The following CASTOR2 variants were observed in gnomAD, a reference collection of about 807,000 sequenced individuals.
CASTOR2 encodes cytosolic arginine sensor for mTORC1 subunit 2.
Under a neutral mutation model 31.2 loss-of-function variants are expected in CASTOR2, and 8 were observed. The observed-to-expected ratio is 0.26, with a 90% CI of 0.15 to 0.46. The LOEUF (loss-of-function observed/expected upper bound fraction) is 0.46. Ranked by LOEUF, CASTOR2 falls within the 20% of genes least tolerant of loss-of-function variation. CASTOR2 has a pLI of 0.99. For synonymous variants in CASTOR2, 162 were observed against 158.7 expected, an observed-to-expected ratio of 1.02 and a Z score of -0.16; for missense variants, 216 against 382.1, an observed-to-expected ratio of 0.57 and a Z score of 3.62.
intron 1 of CASTOR2, among the ~76,000 whole-genome samples, chr7:74,977,319 A>T (rs1803838886): frequency 6.6e-6 from 1 of 151,580 alleles, no homozygotes; most frequent in Non-Finnish European, 1.5e-5. Flanking sequence ...GTTCTGGGCC[A>T]GTGGGATTCT....
At chr7:75,021,753 T>G (rs1481310985) in intron 6 of CASTOR2, 121 bp from the exon 7 acceptor site, 1 of 1,234,604 alleles carries the variant, frequency 8.1e-7, no homozygotes, top group Non-Finnish European at 1.2e-6. Context: ...TGGGGGGCCC[T>G]GAGGTCTGCC....
chr7:75,008,861 G>A (rs1363349983), intron 2 of CASTOR2, among the ~76,000 whole-genome samples: 2 of 152,102 alleles, frequency 1.3e-5, no homozygotes, highest in Non-Finnish European at 2.9e-5. Context: ...GAGGTGGGAG[G>A]ATTGCTTAAA....
chr7:75,019,809 G>A (rs1283717520), intron 5 of CASTOR2, among the ~76,000 whole-genome samples: 4 of 152,262 alleles, frequency 2.6e-5, no homozygotes, highest in African/African-American at 9.6e-5. Context: ...AGGGGCCGGT[G>A]TAACCTGCGT....
intron 1 of CASTOR2, among the ~76,000 whole-genome samples, chr7:74,998,576 C>G (rs1275556915): frequency 1.5e-4 from 22 of 147,742 alleles, no homozygotes; most frequent in Middle Eastern, 3.5e-3. Context: ...GCACTCCAGC[C>G]TGGGCGACAG....
chr7:75,004,874 T>C (rs1804573010), intron 1 of CASTOR2, among the ~76,000 whole-genome samples: 1 of 152,120 alleles, frequency 6.6e-6, no homozygotes, highest in Non-Finnish European at 1.5e-5. Flanking sequence ...GAGGTTTTTT[T>C]GTTTTTTTGA....
intron 1 of CASTOR2, among the ~76,000 whole-genome samples, chr7:74,967,562 T>TTTA (rs1803594595): frequency 2.0e-5 from 1 of 49,834 alleles, no homozygotes; most frequent in African/African-American, 5.2e-5. Flanking sequence ...TTTTTTTTTT[T>TTTA]GAGACTGAGT....
At position 75,028,310 on chromosome 7, in the gene CASTOR2, G is replaced by A. The variant is rs1282597203; in HGVS notation, c.*3611G>A. Among the ~76,000 whole-genome samples the A allele has an allele frequency of 6.6e-6, 1 of 151,874 alleles. No homozygotes were observed. Among genetic ancestry groups the A allele is most frequent in the Non-Finnish European group, 1.5e-5 (1 of 67,956 alleles). On this transcript the variant is annotated 3_prime_UTR_variant, in exon 9 of 9. Coordinates refer to ENST00000616305, the MANE Select transcript of CASTOR2 (RefSeq NM_001145064.3). Reference sequence around the variant, plus strand: ...TAATTTTTGTATTTTTGGTAGAGACGGGGTTTCACCATGTTGGCCACGCTG... The same window carrying A: ...TAATTTTTGTATTTTTGGTAGAGACAGGGTTTCACCATGTTGGCCACGCTG...
rs1343690331 is a variant in CASTOR2 at position 74,984,113 on chromosome 7, TTGTC to T, written c.113+19018_113+19021del. Among the ~76,000 whole-genome samples the T allele has an allele frequency of 8.3e-4, 124 of 149,794 alleles. 2 individuals carry two copies. The highest frequency in any genetic ancestry group is 2.6e-3 in the African/African-American group (105 of 40,612). ...CTTTCTGAGCCTTCAGCCCTCATCT[TTGTC>T]TGGGGGCATTCTAAAAACCAAGGAA... On this transcript the variant is annotated intron_variant, in intron 1 of 8. Coordinates refer to ENST00000616305, the MANE Select transcript of CASTOR2 (RefSeq NM_001145064.3).
At chr7:74,983,721 C>T (rs1803998980) in intron 1 of CASTOR2, among the ~76,000 whole-genome samples, 3 of 150,640 alleles carry the variant, frequency 2.0e-5, no homozygotes, top group Non-Finnish European at 4.4e-5. Flanking sequence ...CCCAACAAGA[C>T]ACCTTATCAA....
At chr7:74,997,566 C>T (rs1804382033) in intron 1 of CASTOR2, among the ~76,000 whole-genome samples, 1 of 151,832 alleles carries the variant, frequency 6.6e-6, no homozygotes, top group African/African-American at 2.4e-5. Context: ...GCTAGGATTA[C>T]AGGCATGTGC....
rs1482653217 is a variant in CASTOR2, at chr7:75,026,192, T to TTTTGGTTTTTTTTG, written c.*1496_*1497insGGTTTTTTTTGTTT. On this transcript the variant is annotated 3_prime_UTR_variant, in exon 9 of 9. Coordinates refer to ENST00000616305, the MANE Select transcript of CASTOR2 (RefSeq NM_001145064.3). ...TGTGGTTTTGGCTCTGGCGGGGGTTTTTTTTTTTTTTTTTGAGATGGGAGT... is the reference window on the plus strand; with the variant it reads ...TGTGGTTTTGGCTCTGGCGGGGGTTTTTTGGTTTTTTTTGTTTTTTTTTTTTTTGAGATGGGAGT... Among the ~76,000 whole-genome samples, 2 of 143,828 alleles carry TTTTGGTTTTTTTTG rather than the reference T, an allele frequency of 1.4e-5. No individual in the cohort carries two copies. The highest frequency in any genetic ancestry group is 5.2e-5 in the African/African-American group (2 of 38,824). 94.4% of individuals were successfully genotyped at this position (143,828 alleles called of 152,430 possible). A position where few individuals can be genotyped will look rare whatever the true frequency, so the allele number is the denominator to read the frequency against.
At chr7:75,014,419 CAAAA>C (rs1193842037) in intron 2 of CASTOR2, among the ~76,000 whole-genome samples, 38 of 57,560 alleles carry the variant, frequency 6.6e-4, no homozygotes, top group Middle Eastern at 0.011. Context: ...ACTAAAAATA[CAAAA>C]AAAAAAAAAA....
intron 1 of CASTOR2, among the ~76,000 whole-genome samples, chr7:74,979,358 C>G (rs1283949432): frequency 6.7e-6 from 1 of 148,370 alleles, no homozygotes; most frequent in Non-Finnish European, 1.5e-5. Context: ...CCAACCTCCC[C>G]TCTATTGGAA....
rs1346123003 is a variant in CASTOR2, at chr7:75,028,714, A to T, written c.*4015A>T. Among the ~76,000 whole-genome samples the T allele has an allele frequency of 1.3e-5, 2 of 152,214 alleles. No homozygotes were observed. Among genetic ancestry groups the T allele is most frequent in the East Asian group, 3.9e-4 (2 of 5,170 alleles). ...GTCCTAACCCAGCAAAGATCTGGGC[A>T]TTGCTGACTCTGCACCTCCTTCCTC... On this transcript the variant is annotated 3_prime_UTR_variant, in exon 9 of 9. Transcript: ENST00000616305.
At chr7:75,019,861 C>A (rs1470770153) in intron 5 of CASTOR2, among the ~76,000 whole-genome samples, 178 bp from the exon 6 acceptor site, 1 of 152,188 alleles carries the variant, frequency 6.6e-6, no homozygotes, top group African/African-American at 2.4e-5. Context: ...GTGTAGCACC[C>A]GCCTTTGTGA....
intron 2 of CASTOR2, among the ~76,000 whole-genome samples, chr7:75,015,788 C>T (rs1325448814): frequency 6.6e-6 from 1 of 152,044 alleles, no homozygotes; most frequent in South Asian, 2.1e-4. Context: ...CTGCCTCGGC[C>T]AGGCGCGGTG....
intron 7 of CASTOR2, among the ~76,000 whole-genome samples, chr7:75,023,854 C>T (rs1055581334): frequency 7.9e-5 from 12 of 151,954 alleles, no homozygotes; most frequent in South Asian, 4.2e-4. Flanking sequence ...ATCCAGTCAT[C>T]TTGCACCAGG....
At chr7:75,009,286 T>TC (rs1804676857) in intron 2 of CASTOR2, among the ~76,000 whole-genome samples, 1 of 142,900 alleles carries the variant, frequency 7.0e-6, no homozygotes. Flanking sequence ...TTTTTTTTTT[T>TC]TGAGACGGAG....
intron 1 of CASTOR2, among the ~76,000 whole-genome samples, chr7:74,997,258 T>C (rs1804374978): frequency 6.6e-6 from 1 of 151,982 alleles, no homozygotes; most frequent in Non-Finnish European, 1.5e-5. Context: ...AGACAGGATC[T>C]CACTGTGTTG....
Sources: allele counts gnomAD v4.1 joint callset (sites outside exome capture counted in the v4.1 genomes callset), GRCh38; gene constraint gnomAD v4.1.1; transcripts MANE v1.5; gene names NCBI Gene and HGNC (gene_info 2026-07-23, HGNC 2026-07-21).